SLC26A4: variants seen among roughly 807,000 people sequenced by gnomAD.
The protein encoded by SLC26A4 is pendrin.
Under a neutral mutation model 90.4 loss-of-function variants are expected in SLC26A4, and 93 were observed. That is an observed-to-expected ratio of 1.03 (90% CI 0.87 to 1.22). The LOEUF (loss-of-function observed/expected upper bound fraction) is 1.22, where lower values mean the gene tolerates loss of function less well. Ranked by LOEUF, SLC26A4 falls within the 50% of genes most tolerant of loss-of-function variation. The probability of loss-of-function intolerance (pLI) is 0.00; values close to 1 mark genes in which losing one functional copy is unlikely to be tolerated. For synonymous variants in SLC26A4, 393 were observed against 354.6 expected (o/e 1.11, Z -1.22); for missense variants, 1,127 against 946.2 (o/e 1.19, Z -2.51).
Position 107,700,078 on chromosome 7 carries a change from G to A in SLC26A4, c.1615-5G>A. On this transcript the variant is annotated splice_polypyrimidine_tract_variant and splice_region_variant and intron_variant, in intron 14 of 20. Coordinates refer to ENST00000644269, the MANE Select transcript of SLC26A4 (RefSeq NM_000441.2). ...TTAATCCCAGACAATTTCTTTTAAT[G>A]CCAGATTGAAGAACCTCAAGGAGTG... The A allele has an allele frequency of 6.8e-7, 1 of 1,469,166 alleles. No individual in the cohort carries two copies. The highest frequency in any genetic ancestry group is 9.5e-7 in the Non-Finnish European group (1 of 1,048,100). The allele number at this position is 1,469,166 out of a possible 1,614,324, so 91.0% of individuals were successfully genotyped here.
Position 107,674,990 on chromosome 7 carries a change from G to A in SLC26A4, c.646G>A (p.Ala216Thr), listed in dbSNP as rs1265109950. ...GATTGGATTCATAGTGAGGTACTTGGCAGATCCTTTGGTTGGTGGCTTCAC... is the reference window on the plus strand; with the variant it reads ...GATTGGATTCATAGTGAGGTACTTGACAGATCCTTTGGTTGGTGGCTTCAC... The part of the protein sequence containing the change: ...LQIGFIVRYL[A>T]DPLVGGFTTA... Residue 216 changes from alanine (A) to threonine (T), a missense_variant, in exon 6 of 21, where the codon GCA (alanine) becomes ACA (threonine). By Grantham distance (58) the Ala-to-Thr change is moderately conservative. Coordinates refer to ENST00000644269, the MANE Select transcript of SLC26A4 (RefSeq NM_000441.2). 1.2e-6 allele frequency: 2 copies of A among 1,613,932 alleles called. No individual in the cohort carries two copies. The highest frequency in any genetic ancestry group is 1.7e-6 in the Non-Finnish European group (2 of 1,179,986).
intron 10 of SLC26A4, chr7:107,693,275 G>T (rs1250520250): frequency 1.0e-6 from 1 of 984,888 alleles, no homozygotes. Context: ...GATAGGAAGA[G>T]CATAGAAAAG....
chr7:107,705,418 C>T (rs1792013608), intron 18 of SLC26A4, among the ~76,000 whole-genome samples: 1 of 152,196 alleles, frequency 6.6e-6, no homozygotes, highest in Admixed American at 6.5e-5. Context: ...GCTATTATGA[C>T]TATCAGGGAG....
At chr7:107,692,599 G>A (rs899528604) in intron 10 of SLC26A4, among the ~76,000 whole-genome samples, 1 of 152,178 alleles carries the variant, frequency 6.6e-6, no homozygotes, top group Non-Finnish European at 1.5e-5. Flanking sequence ...ATGAATGGAA[G>A]AATGAGTATT....
chr7:107,710,215 T>G lies in SLC26A4; in HGVS notation c.2235+16T>G, dbSNP rs770831863. 2.0e-6 allele frequency: 3 copies of G among 1,537,814 alleles called. No individual in the cohort carries two copies. Among genetic ancestry groups the G allele is most frequent in the South Asian group, 2.2e-5 (2 of 89,410 alleles). On this transcript the variant is annotated intron_variant, in intron 19 of 20. Transcript: ENST00000644269. ...TTTAGAAACGGTAAATATTCAACCT[T>G]TCTACAGATGTATCTTTTCTAAACT...
chr7:107,669,038 A>T (rs1250186845), intron 3 of SLC26A4, among the ~76,000 whole-genome samples: 1 of 152,072 alleles, frequency 6.6e-6, no homozygotes, highest in East Asian at 1.9e-4. Context: ...GCTCACTGCA[A>T]CCACTGCCTC....
At chr7:107,675,320 GAAAAGA>G (rs1790995181) in intron 6 of SLC26A4, among the ~76,000 whole-genome samples, 2 of 143,204 alleles carry the variant, frequency 1.4e-5, no homozygotes, top group Non-Finnish European at 3.1e-5. Flanking sequence ...AGAAAGAAAA[GAAAAGA>G]AAAAGAAAGA....
intron 3 of SLC26A4, among the ~76,000 whole-genome samples, chr7:107,669,582 G>C (rs1790810034): frequency 1.3e-5 from 2 of 152,022 alleles, no homozygotes; most frequent in Admixed American, 1.3e-4. Context: ...TGCAATTCCT[G>C]TTTGTAATTT....
At chr7:107,709,443 G>A (rs772032693) in intron 18 of SLC26A4, among the ~76,000 whole-genome samples, 3 of 152,100 alleles carry the variant, frequency 2.0e-5, no homozygotes, top group African/African-American at 4.8e-5. Flanking sequence ...GCTAATTTTT[G>A]TATTTTTTTA....
At chr7:107,682,395 A>G (rs1791265236) in intron 6 of SLC26A4, among the ~76,000 whole-genome samples, 1 of 152,090 alleles carries the variant, frequency 6.6e-6, no homozygotes, top group South Asian at 2.1e-4. Context: ...AAAAGATTTG[A>G]TGTAATTATA....
At chr7:107,699,414 A>G (rs1381178640) in intron 14 of SLC26A4, among the ~76,000 whole-genome samples, 1 of 152,106 alleles carries the variant, frequency 6.6e-6, no homozygotes, top group African/African-American at 2.4e-5. Context: ...AATCCCATTG[A>G]TTTTGCTTTT....
In SLC26A4 at chr7:107,663,395, C is replaced by T; in HGVS notation, c.264C>T (p.Val88=). 6.2e-7 allele frequency: 1 copy of T among 1,614,088 alleles called. No individual in the cohort carries two copies. Among genetic ancestry groups the T allele is most frequent in the Non-Finnish European group, 8.5e-7 (1 of 1,179,996 alleles). ...TCAAGGAATGGCTGCTTAGTGACGT[C>T]ATTTCGGGAGTTAGTACTGGGCTAG... ...YRVKEWLLSD[V]ISGVSTGLVA... Residue 88 remains valine (V), a synonymous_variant, in exon 3 of 21, where the codon GTC becomes GTT. Transcript: ENST00000644269.
intron 14 of SLC26A4, among the ~76,000 whole-genome samples, chr7:107,698,833 A>C (rs1388320900): frequency 2.0e-5 from 3 of 152,208 alleles, no homozygotes; most frequent in Non-Finnish European, 4.4e-5. Flanking sequence ...GAAGAAATAA[A>C]ATATGACACA....
At chr7:107,667,012 C>G (rs1790733958) in intron 3 of SLC26A4, among the ~76,000 whole-genome samples, 1 of 152,114 alleles carries the variant, frequency 6.6e-6, no homozygotes. Flanking sequence ...GGATGAAAAT[C>G]ACTGATGCCT....
chr7:107,674,919 T>G (rs765548640), intron 5 of SLC26A4, 26 bp from the exon 6 acceptor site: 1 of 1,611,456 alleles, frequency 6.2e-7, no homozygotes, highest in Non-Finnish European at 8.5e-7. Context: ...AAACATTTAA[T>G]TTTTCTTTCC....
At chr7:107,673,931 A>G (rs781274187) in intron 4 of SLC26A4, among the ~76,000 whole-genome samples, 1 of 151,752 alleles carries the variant, frequency 6.6e-6, no homozygotes, top group Non-Finnish European at 1.5e-5. Context: ...GGGTTTTACT[A>G]TGTTGCTTAG....
At chr7:107,701,704 A>G in intron 16 of SLC26A4, 123 bp from the exon 17 acceptor site, 1 of 731,832 alleles carries the variant, frequency 1.4e-6, no homozygotes. Flanking sequence ...ATCCTTAAAA[A>G]TTCATCTCCT....
chr7:107,687,904 T>C (rs948889782), intron 8 of SLC26A4, among the ~76,000 whole-genome samples: 1 of 152,134 alleles, frequency 6.6e-6, no homozygotes, highest in Non-Finnish European at 1.5e-5. Context: ...CAACATCCTG[T>C]CTGTCTACAG....
rs1488562700 is a variant in SLC26A4 at position 107,716,479 on chromosome 7, A to G, written c.*1033A>G. The G allele has an allele frequency of 6.6e-6, 1 of 152,246 alleles. No individual in the cohort carries two copies. Among genetic ancestry groups the G allele is most frequent in the Admixed American group, 6.5e-5 (1 of 15,286 alleles). The allele number at this position is 152,246 out of a possible 1,614,324, so 9.4% of individuals were successfully genotyped here. A position where few individuals can be genotyped will look rare whatever the true frequency, so the allele number is the denominator to read the frequency against. On this transcript the variant is annotated 3_prime_UTR_variant, in exon 21 of 21. Coordinates refer to ENST00000644269, the MANE Select transcript of SLC26A4 (RefSeq NM_000441.2). ...CCTATAGTAGTCTGTGTTTAAAGTG[A>G]ATTTTTAAAGACAAAGCATTCTAAA...
Sources: allele counts gnomAD v4.1 joint callset (sites outside exome capture counted in the v4.1 genomes callset), GRCh38; gene constraint gnomAD v4.1.1; transcripts MANE v1.5; gene names NCBI Gene and HGNC (gene_info 2026-07-23, HGNC 2026-07-21).